The following ZMYND11 variants were observed in gnomAD, a reference collection of about 807,000 sequenced individuals.
The protein encoded by ZMYND11 is zinc finger MYND-type containing 11, also known as zinc finger MYND domain-containing protein 11.
ZMYND11 carries 9 observed loss-of-function variants against 84.9 expected under a neutral mutation model. That is an observed-to-expected ratio of 0.11 (90% CI 0.06 to 0.18). ZMYND11 has a LOEUF of 0.18. Ranked by LOEUF, ZMYND11 falls within the 10% of genes least tolerant of loss-of-function variation. ZMYND11 has a pLI of 1.00. For synonymous variants in ZMYND11, 250 were observed against 244.1 expected, an observed-to-expected ratio of 1.02 and a Z score of -0.23; for missense variants, 409 against 761.0, an observed-to-expected ratio of 0.54 and a Z score of 5.44.
chr10:250,572 A>T (rs758163157), intron 14 of ZMYND11, among the ~76,000 whole-genome samples: 1 of 152,190 alleles, frequency 6.6e-6, no homozygotes, highest in South Asian at 2.1e-4. Flanking sequence ...CTATAATTAT[A>T]ATACTGTCTT....
upstream of ZMYND11, chr10:134,905 T>G (rs1835519286): frequency 6.6e-6 from 1 of 151,022 alleles, no homozygotes; most frequent in Admixed American, 6.6e-5. Flanking sequence ...AGGAGCCGCG[T>G]GCACGGCTCC....
rs1271650842 is a variant in ZMYND11 at position 198,093 on chromosome 10, A to G, written c.117-11796A>G. 1.2e-5 allele frequency: 5 copies of G among 414,620 alleles called. No homozygotes were observed. In the East Asian group the frequency reaches 1.8e-4, roughly 15 times the overall value. 25.7% of individuals were successfully genotyped at this position (414,620 alleles called of 1,614,324 possible). The stretch of plus-strand genomic sequence containing the variant: ...GATTCAAGCAAGCTGTAAAATATAT[A>G]ATTTATAATGGCCAAAATTGAGATT... On this transcript the variant is annotated intron_variant, in intron 2 of 14. Coordinates refer to ENST00000381604, the MANE Select transcript of ZMYND11 (RefSeq NM_001370100.5).
chr10:179,857 G>GA, intron 1 of ZMYND11, 137 bp from the exon 2 acceptor site: 1 of 496,588 alleles, frequency 2.0e-6, no homozygotes, highest in Non-Finnish European at 3.6e-6. Context: ...GTGGATGGTA[G>GA]AAAAAAATAG....
intron 7 of ZMYND11, 35 bp downstream of exon 7, chr10:239,560 A>G (rs757406430): frequency 1.1e-5 from 15 of 1,397,556 alleles, no homozygotes. Flanking sequence ...ATGCATTTTT[A>G]AACACACCAT....
At chr10:156,316 A>G (rs1054786255) in intron 1 of ZMYND11, among the ~76,000 whole-genome samples, 3 of 152,228 alleles carry the variant, frequency 2.0e-5, no homozygotes, top group Middle Eastern at 3.2e-3. Flanking sequence ...GTTAGAAAAC[A>G]TGTTTATTTA....
intron 2 of ZMYND11, among the ~76,000 whole-genome samples, chr10:196,935 T>C (rs183377932): frequency 7.2e-5 from 11 of 152,182 alleles, no homozygotes; most frequent in African/African-American, 2.2e-4. Flanking sequence ...GAAGAAAGAA[T>C]GGAAGGTGGA....
intron 4 of ZMYND11, among the ~76,000 whole-genome samples, chr10:227,715 G>T (rs1041309354): frequency 4.6e-5 from 7 of 152,130 alleles, no homozygotes. Flanking sequence ...AATGCTGAAT[G>T]AAAATACTTT....
intron 2 of ZMYND11, among the ~76,000 whole-genome samples, chr10:208,315 T>C (rs1403602227): frequency 6.6e-6 from 1 of 152,074 alleles, no homozygotes; most frequent in East Asian, 1.9e-4. Flanking sequence ...ATTAAAGAGC[T>C]TCTGCACAGC....
chr10:139,122 AATG>A (rs1264085506), intron 1 of ZMYND11, among the ~76,000 whole-genome samples: 1 of 152,210 alleles, frequency 6.6e-6, no homozygotes, highest in Non-Finnish European at 1.5e-5. Flanking sequence ...TACTTTGATG[AATG>A]ATATTATTAT....
intron 1 of ZMYND11, among the ~76,000 whole-genome samples, chr10:172,682 T>C (rs1845633372): frequency 6.6e-6 from 1 of 152,176 alleles, no homozygotes; most frequent in South Asian, 2.1e-4. Context: ...CACTTTTATG[T>C]ATGGATTCAT....
At chr10:246,667 G>A in intron 10 of ZMYND11, 99 bp from the exon 11 acceptor site, 1 of 1,139,908 alleles carries the variant, frequency 8.8e-7, no homozygotes, top group South Asian at 1.4e-5. Context: ...ACTGCCACAG[G>A]TCGCACTTTA....
intron 2 of ZMYND11, among the ~76,000 whole-genome samples, chr10:195,109 G>A (rs1941419231): frequency 6.6e-6 from 1 of 152,168 alleles, no homozygotes; most frequent in Non-Finnish European, 1.5e-5. Context: ...CTTCTGAACT[G>A]CAATACTGGA....
intron 2 of ZMYND11, among the ~76,000 whole-genome samples, chr10:183,588 A>G (rs565968608): frequency 2.0e-5 from 3 of 152,164 alleles, no homozygotes; most frequent in Non-Finnish European, 4.4e-5. Context: ...ATCCTCTGCT[A>G]TTTGGTTACC....
intron 3 of ZMYND11, among the ~76,000 whole-genome samples, chr10:219,983 A>G (rs1946858224): frequency 6.6e-6 from 1 of 152,146 alleles, no homozygotes; most frequent in African/African-American, 2.4e-5. Flanking sequence ...ACATTCATGT[A>G]TCTCTTCTCT....
At chr10:197,065 CATGT>C (rs1158605789) in intron 2 of ZMYND11, among the ~76,000 whole-genome samples, 1 of 150,156 alleles carries the variant, frequency 6.7e-6, no homozygotes, top group African/African-American at 2.5e-5. Context: ...GCAATGTGTT[CATGT>C]ATGTGTATCA....
At chr10:131,107 C>T (rs1289159664), upstream of ZMYND11, among the ~76,000 whole-genome samples, 1 of 151,454 alleles carries the variant, frequency 6.6e-6, no homozygotes. Flanking sequence ...CAGAGTGAGC[C>T]CTATCTCAAA....
chr10:159,172 G>A (rs1183520626), intron 1 of ZMYND11, among the ~76,000 whole-genome samples: 4 of 145,854 alleles, frequency 2.7e-5, no homozygotes, highest in East Asian at 4.0e-4. Context: ...GCCCCATACC[G>A]TATTCAGCCA....
rs569897388 is a variant in ZMYND11, at chr10:151,353, T to C, written c.-20+15794T>C. ...ACGGATGGCTAACTAGAATAACCAG[T>C]GTAGAGAAGTCTTTAAATGACCTGA... On this transcript the variant is annotated intron_variant, in intron 1 of 14. Transcript: ENST00000381604. Among the ~76,000 whole-genome samples, 114 of 152,160 alleles carry C rather than the reference T, an allele frequency of 7.5e-4. No individual in the cohort carries two copies. The South Asian group carries it at 0.017, about 22-fold the overall frequency.
At chr10:199,667 A>C (rs1181608524) in intron 2 of ZMYND11, among the ~76,000 whole-genome samples, 1 of 152,082 alleles carries the variant, frequency 6.6e-6, no homozygotes, top group African/African-American at 2.4e-5. Context: ...TCCTGGGCTA[A>C]AGTGACCCTC....
Sources: allele counts gnomAD v4.1 joint callset (sites outside exome capture counted in the v4.1 genomes callset), GRCh38; gene constraint gnomAD v4.1.1; transcripts MANE v1.5; gene names NCBI Gene and HGNC (gene_info 2026-07-23, HGNC 2026-07-21).